The following EIF3A variants were observed in gnomAD, a reference collection of about 807,000 sequenced individuals.
The protein encoded by EIF3A is EIF3, p180 subunit.
EIF3A carries 21 observed loss-of-function variants against 186.6 expected under a neutral mutation model. The observed-to-expected ratio is 0.11, with a 90% confidence interval of 0.08 to 0.16. EIF3A has a LOEUF of 0.16. EIF3A is among the 10% of genes least tolerant of loss of function. The pLI is 1.00. For missense variants in EIF3A, 1,306 were observed against 1,796.3 expected (o/e 0.73, Z 4.93); for synonymous variants, 563 against 584.3 (o/e 0.96, Z 0.52).
At chr10:119,048,055 T>C (rs1848304283) in intron 17 of EIF3A, among the ~76,000 whole-genome samples, 1 of 151,426 alleles carries the variant, frequency 6.6e-6, no homozygotes, top group African/African-American at 2.4e-5. Context: ...ACAGCACAGG[T>C]GACTAAGAAG....
intron 3 of EIF3A, 49 bp from the exon 4 acceptor site, chr10:119,073,102 G>A (rs2119820292): frequency 1.3e-6 from 2 of 1,541,276 alleles, no homozygotes; most frequent in Non-Finnish European, 1.7e-6. Flanking sequence ...TTCCTACTTT[G>A]CCATGTGATT....
At chr10:119,062,936 A>G (rs1411338683) in intron 7 of EIF3A, among the ~76,000 whole-genome samples, 2 of 147,150 alleles carry the variant, frequency 1.4e-5, no homozygotes, top group Non-Finnish European at 3.0e-5. Context: ...TTGTATTTTT[A>G]GTAGAGACGG....
chr10:119,043,999 C>T, intron 18 of EIF3A, 55 bp downstream of exon 18: 1 of 1,299,288 alleles, frequency 7.7e-7, no homozygotes, highest in Non-Finnish European at 1.1e-6. Flanking sequence ...TTTAAAACCA[C>T]TGATAAGATA....
At chr10:119,038,726 C>A (rs962139474) in intron 19 of EIF3A, among the ~76,000 whole-genome samples, 1 of 152,098 alleles carries the variant, frequency 6.6e-6, no homozygotes, top group African/African-American at 2.4e-5. Flanking sequence ...GAATTCGAGA[C>A]CAGCCTGGCC....
intron 14 of EIF3A, among the ~76,000 whole-genome samples, chr10:119,055,434 TA>T (rs1323008115): frequency 1.3e-5 from 2 of 152,170 alleles, no homozygotes; most frequent in African/African-American, 4.8e-5. Flanking sequence ...GAAAAAGTAT[TA>T]AATACTTTGA....
At chr10:119,076,113 A>G (rs1220179129) in intron 1 of EIF3A, among the ~76,000 whole-genome samples, 1 of 149,404 alleles carries the variant, frequency 6.7e-6, no homozygotes, top group Non-Finnish European at 1.5e-5. Context: ...CGGGTGGATC[A>G]CGAGGTCAGG....
chr10:119,043,936 G>C (rs934070616), intron 18 of EIF3A, 118 bp downstream of exon 18: 1 of 777,236 alleles, frequency 1.3e-6, no homozygotes, highest in Non-Finnish European at 2.2e-6. Context: ...AATCAGACAT[G>C]CACACAATTC....
At chr10:119,075,844 G>A (rs1335050523) in intron 1 of EIF3A, among the ~76,000 whole-genome samples, 2 of 141,872 alleles carry the variant, frequency 1.4e-5, no homozygotes, top group South Asian at 4.4e-4. Context: ...CTCCTGAGTC[G>A]CTGGGACTAC....
At position 119,041,954 on chromosome 10, in the gene EIF3A, A is replaced by T. The variant is rs1318905492; in HGVS notation, c.3526+40T>A. 1.9e-6 allele frequency: 3 copies of T among 1,586,002 alleles called. No homozygotes were observed. In the African/African-American group the frequency reaches 4.0e-5, roughly 21 times the overall value. On this transcript the variant is annotated intron_variant, in intron 19 of 21. Transcript: ENST00000369144. Reference sequence around the variant, plus strand: ...TTATCCATCAGAATTTCACTTTTACAGGTGAACACTTAAGCATATTCTAGG... The same window carrying T: ...TTATCCATCAGAATTTCACTTTTACTGGTGAACACTTAAGCATATTCTAGG...
At chr10:119,070,535 T>C (rs190192419) in intron 5 of EIF3A, among the ~76,000 whole-genome samples, 13 of 146,814 alleles carry the variant, frequency 8.9e-5, no homozygotes, top group African/African-American at 2.2e-4. Context: ...CTAAGAAACT[T>C]TGCATATGCT....
chr10:119,056,518 T>C (rs1434212622), intron 14 of EIF3A, among the ~76,000 whole-genome samples: 1 of 152,202 alleles, frequency 6.6e-6, no homozygotes, highest in Admixed American at 6.5e-5. Flanking sequence ...TAAAGCAGTT[T>C]TTTATAAAAT....
chr10:119,061,296 T>G lies in EIF3A; in HGVS notation c.1155A>C (p.Pro385=), dbSNP rs770643453. The G allele has an allele frequency of 1.9e-6, 3 of 1,589,916 alleles. No homozygotes were observed. Among genetic ancestry groups the G allele is most frequent in the Non-Finnish European group, 2.6e-6 (3 of 1,162,968 alleles). The part of the protein sequence containing the change: ...VRFNVLQYVV[P]EVKDLYNWLE... ...GCCAATTGTAAAGGTCTTTCACTTC[T>G]GGGACAACATATTGTAGTACATTAA... Residue 385 remains proline (P), a synonymous_variant, in exon 8 of 22, where the codon CCA becomes CCC. Coordinates refer to ENST00000369144, the MANE Select transcript of EIF3A (RefSeq NM_003750.4).
intron 14 of EIF3A, among the ~76,000 whole-genome samples, chr10:119,052,596 A>G (rs1444846687): frequency 6.6e-6 from 1 of 151,894 alleles, no homozygotes; most frequent in Admixed American, 6.6e-5. Context: ...GGCTGGTCTC[A>G]AACTCCTGGA....
intron 5 of EIF3A, 27 bp downstream of exon 5, chr10:119,070,859 G>A: frequency 2.0e-6 from 3 of 1,528,158 alleles, no homozygotes; most frequent in Non-Finnish European, 2.7e-6. Context: ...TTATTTCTAG[G>A]AAGAAAAGCT....
At chr10:119,072,024 C>CAAAAAAAAAA (rs56100757) in intron 4 of EIF3A, among the ~76,000 whole-genome samples, 3 of 59,472 alleles carry the variant, frequency 5.0e-5, no homozygotes, top group Non-Finnish European at 6.1e-5. Context: ...GACTCTGTCT[C>CAAAAAAAAAA]AAAAAAAAAA....
chr10:119,075,631 C>A (rs1401787211), intron 1 of EIF3A, among the ~76,000 whole-genome samples: 3 of 96,700 alleles, frequency 3.1e-5, no homozygotes, highest in South Asian at 4.4e-4. Flanking sequence ...AGGGGGGGAG[C>A]TTAAAACACT....
At chr10:119,044,797 A>C (rs1001347035) in intron 17 of EIF3A, among the ~76,000 whole-genome samples, 2 of 152,152 alleles carry the variant, frequency 1.3e-5, no homozygotes, top group African/African-American at 4.8e-5. Flanking sequence ...GCAGTTACCC[A>C]ACATCACACT....
intron 14 of EIF3A, 150 bp downstream of exon 14, chr10:119,056,590 C>G (rs1197614317): frequency 7.2e-6 from 4 of 553,176 alleles, no homozygotes; most frequent in Non-Finnish European, 1.3e-5. Flanking sequence ...TGAAATTTTC[C>G]CTCTTTCTAC....
intron 14 of EIF3A, among the ~76,000 whole-genome samples, chr10:119,055,470 A>G (rs1848412143): frequency 6.6e-6 from 1 of 152,244 alleles, no homozygotes; most frequent in African/African-American, 2.4e-5. Context: ...TGACAGAGAC[A>G]TGAAATGAGC....
Sources: allele counts gnomAD v4.1 joint callset (sites outside exome capture counted in the v4.1 genomes callset), GRCh38; gene constraint gnomAD v4.1.1; transcripts MANE v1.5; gene names NCBI Gene and HGNC (gene_info 2026-07-23, HGNC 2026-07-21).